Variants in PHEX observed in about 807,000 individuals in gnomAD.
PHEX encodes the protein phosphate regulating endopeptidase X-linked.
In PHEX, 16 loss-of-function variants were observed where a neutral mutation model predicts 68.0. The ratio of observed to expected loss-of-function variants is 0.24; its 90% CI spans 0.16 to 0.36. The LOEUF is 0.36. Among genes scored for constraint, PHEX ranks in the 10% least tolerant of loss-of-function variants. The pLI is 1.00. For missense variants in PHEX, 480 were observed against 575.5 expected, an observed-to-expected ratio of 0.83 and a Z score of 1.70; for synonymous variants, 208 against 205.1, an observed-to-expected ratio of 1.01 and a Z score of -0.12.
At chrX:22,209,371 T>A (rs900851679) in intron 15 of PHEX, among the ~76,000 whole-genome samples, 2 of 111,397 alleles carry the variant, frequency 1.8e-5, no homozygotes, top group African/African-American at 6.5e-5. Flanking sequence ...TCGATACAGG[T>A]GTCACAGCTG....
At chrX:22,077,007 T>C (rs1292408634) in intron 4 of PHEX, among the ~76,000 whole-genome samples, 1 of 112,326 alleles carries the variant, frequency 8.9e-6, no homozygotes. Context: ...AGCCAGTGCC[T>C]GTGGGAAGTG....
Position 22,097,009 on chromosome X carries a change from A to G in PHEX, c.904A>G (p.Ile302Val), listed in dbSNP as rs759411768. The change falls in exon 8 of 22, where the codon ATT (isoleucine) becomes GTT (valine). Residue 302 changes from isoleucine to valine, a missense_variant. Coordinates refer to ENST00000379374, the MANE Select transcript of PHEX (RefSeq NM_000444.6). ...TSEAMYNKMNISELSAMIPQF... is the reference protein window; with the variant it reads ...TSEAMYNKMNVSELSAMIPQF... The stretch of plus-strand genomic sequence containing the variant: ...CGAGGCCATGTACAACAAAATGAAC[A>G]TTTCTGAACTGAGTGCTATGATTCC... The G allele has an allele frequency of 3.3e-6, 4 of 1,202,421 alleles. No homozygotes were observed. Among genetic ancestry groups the G allele is most frequent in the Non-Finnish European group, 4.5e-6 (4 of 886,923 alleles).
intron 15 of PHEX, among the ~76,000 whole-genome samples, chrX:22,198,113 A>C (rs1934426441): frequency 9.8e-6 from 1 of 101,556 alleles, no homozygotes; most frequent in Non-Finnish European, 1.9e-5. Context: ...TATATATTAT[A>C]AATTATACAT....
chrX:22,250,857 C>G lies in PHEX; in HGVS notation c.*2904C>G, dbSNP rs1347732391. 2 of 111,884 alleles carry G rather than the reference C, an allele frequency of 1.8e-5. No homozygotes were observed. Among genetic ancestry groups the G allele is most frequent in the Non-Finnish European group, 3.8e-5 (2 of 53,183 alleles). 9.2% of individuals were successfully genotyped at this position (111,884 alleles called of 1,213,427 possible). A position where few individuals can be genotyped will look rare whatever the true frequency, so the allele number is the denominator to read the frequency against. ...GCCCTGGAGCATCACTAAGAAGCAGCTAGGAACTATGGCTTGCCAGACAGA... is the reference window on the plus strand; with the variant it reads ...GCCCTGGAGCATCACTAAGAAGCAGGTAGGAACTATGGCTTGCCAGACAGA... On this transcript the variant is annotated 3_prime_UTR_variant, in exon 22 of 22. Coordinates refer to ENST00000379374, the MANE Select transcript of PHEX (RefSeq NM_000444.6).
chrX:22,034,005 G>A (rs995802770), intron 1 of PHEX, among the ~76,000 whole-genome samples: 1 of 112,356 alleles, frequency 8.9e-6, no homozygotes, highest in Non-Finnish European at 1.9e-5. Flanking sequence ...GGGTAAACCA[G>A]TAATTAAACT....
intron 5 of PHEX, among the ~76,000 whole-genome samples, chrX:22,089,320 C>T (rs995173258): frequency 5.3e-5 from 6 of 112,170 alleles, no homozygotes; most frequent in Admixed American, 1.9e-4. Context: ...CCACACAAGG[C>T]CTGGATGTCC....
intron 12 of PHEX, among the ~76,000 whole-genome samples, chrX:22,134,895 G>C (rs1932166872): frequency 9.0e-6 from 1 of 111,640 alleles, no homozygotes; most frequent in South Asian, 3.8e-4. Flanking sequence ...GGCAGGTCTG[G>C]GGAAACACTG....
chrX:22,243,199 A>C (rs1358603999), intron 20 of PHEX, among the ~76,000 whole-genome samples: 1 of 111,986 alleles, frequency 8.9e-6, no homozygotes, highest in East Asian at 2.8e-4. Flanking sequence ...TGTATTTAAT[A>C]AATGGTGTTG....
chrX:22,240,845 C>T (rs190872554), intron 20 of PHEX, among the ~76,000 whole-genome samples: 1 of 109,981 alleles, frequency 9.1e-6, no homozygotes. Flanking sequence ...ACACTACTGC[C>T]AACACTAGAC....
intron 9 of PHEX, among the ~76,000 whole-genome samples, chrX:22,100,004 T>C (rs1930346099): frequency 1.8e-5 from 2 of 112,528 alleles, no homozygotes; most frequent in Non-Finnish European, 3.8e-5. Flanking sequence ...GCTGCTCTTT[T>C]TAAGATACTT....
intron 17 of PHEX, 71 bp downstream of exon 17, chrX:22,219,174 G>A: frequency 1.4e-6 from 1 of 709,430 alleles, no homozygotes; most frequent in African/African-American, 2.1e-5. Context: ...TAATTGTTAT[G>A]ATTATCTTTG....
chrX:22,245,348 T>A lies in PHEX; in HGVS notation c.2086T>A (p.Tyr696Asn). The A allele has an allele frequency of 8.3e-7, 1 of 1,208,375 alleles. No individual in the cohort carries two copies. Among genetic ancestry groups the A allele is most frequent in the Non-Finnish European group, 1.1e-6 (1 of 892,372 alleles). ...TCTCTTCTAGGTGAGGTGCAATTCC[T>A]ACAGACCAGAAGCTGCCCGAGAACA... Reference protein sequence around the residue: ...LSYAHVRCNSYRPEAAREQVQ... With the variant: ...LSYAHVRCNSNRPEAAREQVQ... Residue 696 changes from tyrosine (Y) to asparagine (N), a missense_variant, in exon 21 of 22, where the codon TAC becomes AAC. Transcript: ENST00000379374.
chrX:22,150,513 A>G (rs772763920), intron 12 of PHEX, among the ~76,000 whole-genome samples: 1 of 112,374 alleles, frequency 8.9e-6, no homozygotes, highest in South Asian at 3.8e-4. Context: ...ATAGGCAAAC[A>G]AATGGGTGTG....
At chrX:22,220,242 C>T (rs1319053285) in intron 17 of PHEX, among the ~76,000 whole-genome samples, 1 of 111,634 alleles carries the variant, frequency 9.0e-6, no homozygotes, top group African/African-American at 3.3e-5. Context: ...CTCTTTCTTC[C>T]ATCCCTGTAG....
chrX:22,232,805 T>C, intron 20 of PHEX, among the ~76,000 whole-genome samples: 1 of 109,633 alleles, frequency 9.1e-6, no homozygotes. Flanking sequence ...CATTTAAGGT[T>C]AATATTGTTA....
At chrX:22,200,270 G>A (rs1383025362) in intron 15 of PHEX, among the ~76,000 whole-genome samples, 10 of 112,121 alleles carry the variant, frequency 8.9e-5, no homozygotes, top group South Asian at 7.4e-4. Context: ...CCTGTTTATC[G>A]TCACACTACA....
chrX:22,228,276 AAAG>A (rs201316693), intron 20 of PHEX, among the ~76,000 whole-genome samples: 1,720 of 112,067 alleles, frequency 0.015, 28 homozygotes, highest in African/African-American at 0.053. Flanking sequence ...CAGCCTTTTC[AAAG>A]AAGTCAGGGA....
rs770212158 is a variant in PHEX, at chrX:22,076,784, G to T, written c.436+310G>T. On this transcript the variant is annotated intron_variant, in intron 4 of 21. Coordinates refer to ENST00000379374, the MANE Select transcript of PHEX (RefSeq NM_000444.6). ...TATCTGGTAGAGAATCCAGAAGCCA[G>T]GCCAAGTCTGGCTTGAGACAGAGAC... Among the ~76,000 whole-genome samples the T allele has an allele frequency of 1.5e-3, 171 of 112,284 alleles. 1 individual carries two copies. The highest frequency in any genetic ancestry group is 5.4e-3 in the African/African-American group (167 of 30,923).
intron 12 of PHEX, among the ~76,000 whole-genome samples, chrX:22,162,070 G>T (rs1227170572): frequency 8.9e-6 from 1 of 112,030 alleles, no homozygotes; most frequent in African/African-American, 3.2e-5. Flanking sequence ...GATGGCAAGT[G>T]CTAAAAGCAA....
Sources: allele counts gnomAD v4.1 joint callset (sites outside exome capture counted in the v4.1 genomes callset), GRCh38; gene constraint gnomAD v4.1.1; transcripts MANE v1.5; gene names NCBI Gene and HGNC (gene_info 2026-07-23, HGNC 2026-07-21).